The following TENM3 variants were observed in gnomAD, a reference collection of about 807,000 sequenced individuals.
The protein encoded by TENM3 is teneurin transmembrane protein 3.
A neutral mutation model predicts 255.1 loss-of-function variants in TENM3; 63 were observed. That is an observed-to-expected ratio of 0.25 (90% CI 0.20 to 0.30). The LOEUF (loss-of-function observed/expected upper bound fraction) is 0.30, where lower values mean the gene tolerates loss of function less well. Among genes scored for constraint, TENM3 ranks in the 10% least tolerant of loss-of-function variants. TENM3 has a pLI of 1.00. For synonymous variants in TENM3, 1,306 were observed against 1,322.3 expected (o/e 0.99, Z 0.27); for missense variants, 2,929 against 3,461.1 (o/e 0.85, Z 3.86).
chr4:182,320,708 C>T (rs1028447385), intron 1 of TENM3, among the ~76,000 whole-genome samples: 2 of 152,208 alleles, frequency 1.3e-5, no homozygotes, highest in African/African-American at 4.8e-5. Flanking sequence ...CAAACCACTG[C>T]AGTTCCTATT....
At chr4:182,359,514 T>C (rs1043249773) in intron 3 of TENM3, among the ~76,000 whole-genome samples, 2 of 151,098 alleles carry the variant, frequency 1.3e-5, no homozygotes, top group African/African-American at 4.9e-5. Context: ...CGTAGAGGTG[T>C]TTGTAGTATT....
the TENM3 span, among the ~76,000 whole-genome samples, chr4:181,609,979 T>C: frequency 1.3e-5 from 2 of 152,340 alleles, no homozygotes; most frequent in South Asian, 4.1e-4. Context: ...CCCTATCATT[T>C]AGAAAGTGTT....
chr4:181,694,161 T>C, the TENM3 span, among the ~76,000 whole-genome samples: 1 of 152,154 alleles, frequency 6.6e-6, no homozygotes, highest in African/African-American at 2.4e-5. Context: ...CAGCTGTTAT[T>C]AGTAAGGAAA....
At chr4:182,209,963 G>A (rs141511988) in intron 1 of TENM3, among the ~76,000 whole-genome samples, 3 of 152,162 alleles carry the variant, frequency 2.0e-5, no homozygotes, top group East Asian at 1.9e-4. Context: ...GTGTCATAGA[G>A]TGTGAGGTGT....
At chr4:182,542,341 A>G (rs752822406) in intron 3 of TENM3, among the ~76,000 whole-genome samples, 3 of 152,154 alleles carry the variant, frequency 2.0e-5, no homozygotes, top group Non-Finnish European at 2.9e-5. Context: ...TGTTTCTGCC[A>G]AGTACCTGAG....
chr4:182,231,435 T>C (rs1464599336), intron 1 of TENM3, among the ~76,000 whole-genome samples: 1 of 152,210 alleles, frequency 6.6e-6, no homozygotes, highest in Non-Finnish European at 1.5e-5. Context: ...TTATGTCTGT[T>C]ATTATAAATA....
the TENM3 span, among the ~76,000 whole-genome samples, chr4:181,808,116 AC>A: frequency 6.6e-6 from 1 of 152,188 alleles, no homozygotes; most frequent in South Asian, 2.1e-4. Context: ...AAAATTGATT[AC>A]ACTTCTGTTG....
chr4:182,047,609 G>T, the TENM3 span, among the ~76,000 whole-genome samples: 1 of 147,668 alleles, frequency 6.8e-6, no homozygotes, highest in Non-Finnish European at 1.5e-5. Context: ...CCATTTTCCC[G>T]GGAAATAATA....
At chr4:181,937,444 G>A in the TENM3 span, among the ~76,000 whole-genome samples, 1 of 152,254 alleles carries the variant, frequency 6.6e-6, no homozygotes, top group Non-Finnish European at 1.5e-5. Flanking sequence ...CATCTAGGCT[G>A]ATGGTAGCTT....
At chr4:181,568,304 C>T in the TENM3 span, among the ~76,000 whole-genome samples, 1 of 151,986 alleles carries the variant, frequency 6.6e-6, no homozygotes, top group South Asian at 2.1e-4. Flanking sequence ...GCTGAGATTA[C>T]AGGCGCCCGC....
the TENM3 span, among the ~76,000 whole-genome samples, chr4:181,940,413 T>G: frequency 5.3e-5 from 8 of 152,178 alleles, no homozygotes; most frequent in Non-Finnish European, 1.2e-4. Context: ...ATCTATTGAG[T>G]ATTTACTACG....
At chr4:181,697,174 G>A in the TENM3 span, among the ~76,000 whole-genome samples, 173 of 152,314 alleles carry the variant, frequency 1.1e-3, no homozygotes, top group African/African-American at 3.7e-3. Flanking sequence ...GGCCCAGGAC[G>A]GGCATGGTCT....
chr4:182,101,791 T>C, the TENM3 span, among the ~76,000 whole-genome samples: 3 of 152,192 alleles, frequency 2.0e-5, no homozygotes, highest in Non-Finnish European at 4.4e-5. Context: ...CACAAAAATA[T>C]GGCAAGTATG....
At chr4:182,198,000 G>A (rs1244116357) in intron 1 of TENM3, among the ~76,000 whole-genome samples, 2 of 152,166 alleles carry the variant, frequency 1.3e-5, no homozygotes, top group Admixed American at 6.5e-5. Flanking sequence ...AGCTACTCAG[G>A]AGGCTGACAC....
intron 19 of TENM3, 146 bp downstream of exon 19, chr4:182,743,565 T>A: frequency 2.2e-6 from 2 of 893,322 alleles, no homozygotes; most frequent in Non-Finnish European, 3.3e-6. Context: ...AATTCTTGCT[T>A]AAAGTTAAGA....
the TENM3 span, among the ~76,000 whole-genome samples, chr4:181,555,325 C>A: frequency 1.3e-5 from 2 of 152,072 alleles, no homozygotes; most frequent in Non-Finnish European, 2.9e-5. Context: ...CTGTCTCATT[C>A]GAGACTATAT....
At chr4:181,693,598 G>T in the TENM3 span, among the ~76,000 whole-genome samples, 26 of 152,118 alleles carry the variant, frequency 1.7e-4, no homozygotes. Flanking sequence ...GAACCTTCAG[G>T]AGTCCTCATT....
chr4:182,315,309 A>G lies in TENM3; in HGVS notation c.-75-8637A>G. Among the ~76,000 whole-genome samples, 2 of 152,048 alleles carry G rather than the reference A, an allele frequency of 1.3e-5. 1 individual carries two copies. Among genetic ancestry groups the G allele is most frequent in the Non-Finnish European group, 2.9e-5 (2 of 67,998 alleles). Reference sequence around the variant, plus strand: ...AAGGGCTTCCTTTACATTTTTTTGTAATGAGAGTCTGCTGATGATCAGCTT... The same window carrying G: ...AAGGGCTTCCTTTACATTTTTTTGTGATGAGAGTCTGCTGATGATCAGCTT... On this transcript the variant is annotated intron_variant, in intron 1 of 27. Coordinates refer to ENST00000511685, the MANE Select transcript of TENM3 (RefSeq NM_001080477.4).
chr4:182,402,269 C>T (rs1450273953), intron 3 of TENM3, among the ~76,000 whole-genome samples: 2 of 152,144 alleles, frequency 1.3e-5, no homozygotes, highest in African/African-American at 2.4e-5. Flanking sequence ...AAACTATACG[C>T]GGAAAGACCT....
Sources: allele counts gnomAD v4.1 joint callset (sites outside exome capture counted in the v4.1 genomes callset), GRCh38; gene constraint gnomAD v4.1.1; transcripts MANE v1.5; gene names NCBI Gene and HGNC (gene_info 2026-07-23, HGNC 2026-07-21).